The following GRK5 variants were observed in gnomAD, a reference collection of about 807,000 sequenced individuals.
GRK5 encodes g protein-coupled receptor kinase GRK5.
A neutral mutation model predicts 78.4 loss-of-function variants in GRK5; 40 were observed. That is an observed-to-expected ratio of 0.51 (90% CI 0.40 to 0.66). The LOEUF is 0.66. GRK5 is among the 30% of genes least tolerant of loss of function. The pLI is 0.00. For synonymous variants in GRK5, 289 were observed against 296.8 expected (o/e 0.97, Z 0.27); for missense variants, 598 against 759.9 (o/e 0.79, Z 2.50).
rs114071424 is a variant in GRK5, at chr10:119,268,140, C to T, written c.53-58376C>T. ...GGCCTCACCCACAGCTCCATGCACACGCCTAGATGCAGAAATTTTCTGTAT... is the reference window on the plus strand; with the variant it reads ...GGCCTCACCCACAGCTCCATGCACATGCCTAGATGCAGAAATTTTCTGTAT... On this transcript the variant is annotated intron_variant, in intron 1 of 15. Coordinates refer to ENST00000392870, the MANE Select transcript of GRK5 (RefSeq NM_005308.3). Among the ~76,000 whole-genome samples the T allele has an allele frequency of 1.2e-3, 189 of 152,316 alleles. 1 individual carries two copies. Among genetic ancestry groups the T allele is most frequent in the African/African-American group, 4.3e-3 (180 of 41,578 alleles).
chr10:119,354,786 AT>A (rs932745479), intron 2 of GRK5, among the ~76,000 whole-genome samples: 1 of 151,930 alleles, frequency 6.6e-6, no homozygotes, highest in South Asian at 2.1e-4. Context: ...CTTTATGAGG[AT>A]TTTTTTCAAC....
intron 2 of GRK5, among the ~76,000 whole-genome samples, chr10:119,329,313 G>A (rs911347594): frequency 1.3e-5 from 2 of 152,090 alleles, no homozygotes; most frequent in Admixed American, 1.3e-4. Flanking sequence ...TGTCCTTCCC[G>A]CTAAGGACAG....
rs1851963380 is a variant in GRK5, at chr10:119,394,273, GGC to G, written c.262-2420_262-2419del. On this transcript the variant is annotated intron_variant, in intron 3 of 15. Transcript: ENST00000392870. ...GTGTGGATGTATCTGTGTGTGTGTG[GGC>G]GTGTGTGTGGGTGTGTATCTGTGTG... 2.2e-3 allele frequency among the ~76,000 whole-genome samples: 8 copies of G among 3,682 alleles called. 1 individual carries two copies. The highest frequency in any genetic ancestry group is 0.011 in the South Asian group (1 of 94). 2.4% of individuals were successfully genotyped at this position (3,682 alleles called of 152,430 possible).
At chr10:119,260,662 C>T (rs1300794611) in intron 1 of GRK5, among the ~76,000 whole-genome samples, 1 of 151,780 alleles carries the variant, frequency 6.6e-6, no homozygotes, top group Non-Finnish European at 1.5e-5. Context: ...CTTGCACCGC[C>T]CTTAATCCAT....
chr10:119,370,976 G>T (rs1286362342), intron 2 of GRK5, among the ~76,000 whole-genome samples: 1 of 77,046 alleles, frequency 1.3e-5, no homozygotes, highest in African/African-American at 5.8e-5. Flanking sequence ...CCACCCCCCC[G>T]CCCCACTCCA....
intron 2 of GRK5, among the ~76,000 whole-genome samples, chr10:119,348,445 G>C (rs1242531600): frequency 6.6e-6 from 1 of 152,218 alleles, no homozygotes; most frequent in Non-Finnish European, 1.5e-5. Context: ...GAAGCTCCCT[G>C]CTCGGCCTAG....
chr10:119,282,424 C>T (rs1424380990), intron 1 of GRK5, among the ~76,000 whole-genome samples: 1 of 152,176 alleles, frequency 6.6e-6, no homozygotes, highest in Non-Finnish European at 1.5e-5. Context: ...CTTTCCTTGG[C>T]AGCCCGTCTC....
intron 2 of GRK5, among the ~76,000 whole-genome samples, chr10:119,329,376 G>A (rs1038233831): frequency 6.6e-6 from 1 of 152,186 alleles, no homozygotes; most frequent in Non-Finnish European, 1.5e-5. Flanking sequence ...TGAAAGCCGG[G>A]AGAGAAGAAG....
chr10:119,350,173 G>A (rs1851167846), intron 2 of GRK5, among the ~76,000 whole-genome samples: 1 of 152,212 alleles, frequency 6.6e-6, no homozygotes, highest in South Asian at 2.1e-4. Flanking sequence ...AGTGCCGGCT[G>A]CCATCTCTGA....
intron 1 of GRK5, among the ~76,000 whole-genome samples, chr10:119,279,636 G>A (rs187872630): frequency 1.1e-3 from 173 of 152,356 alleles, no homozygotes; most frequent in African/African-American, 3.7e-3. Context: ...AGTGAGTGGC[G>A]GTGGCCTGCA....
intron 1 of GRK5, among the ~76,000 whole-genome samples, chr10:119,215,308 G>T (rs1464303778): frequency 1.3e-5 from 2 of 152,096 alleles, no homozygotes; most frequent in African/African-American, 2.4e-5. Context: ...AAAGCTCATC[G>T]GGACAGAGCT....
chr10:119,443,570 T>A lies in GRK5; in HGVS notation c.1084T>A (p.Tyr362Asn), dbSNP rs1853080694. The A allele has an allele frequency of 6.2e-7, 1 of 1,611,264 alleles. No homozygotes were observed. The highest frequency in any genetic ancestry group is 8.5e-7 in the Non-Finnish European group (1 of 1,177,768). ...MAPEVLNNQR[Y>N]GLSPDYWGLG... Reference sequence around the variant, plus strand: ...TCCAGAGGTCCTGAACAACCAGAGGTACGGCCTGAGCCCCGACTACTGGGG... The same window carrying A: ...TCCAGAGGTCCTGAACAACCAGAGGAACGGCCTGAGCCCCGACTACTGGGG... Residue 362 changes from tyrosine (Y) to asparagine (N), a missense_variant, in exon 12 of 16, where the codon TAC becomes AAC. Transcript: ENST00000392870.
At chr10:119,335,189 TC>T (rs1850860177) in intron 2 of GRK5, among the ~76,000 whole-genome samples, 1 of 108,518 alleles carries the variant, frequency 9.2e-6, no homozygotes, top group Non-Finnish European at 1.8e-5. Flanking sequence ...CCTCTCCCTC[TC>T]CCCCCACCTC....
chr10:119,320,914 G>A (rs1018612654), intron 1 of GRK5, among the ~76,000 whole-genome samples: 1 of 152,270 alleles, frequency 6.6e-6, no homozygotes, highest in Non-Finnish European at 1.5e-5. Flanking sequence ...GGCAGCGGGG[G>A]CCGTAGGGCC....
At chr10:119,331,247 G>T (rs1850774122) in intron 2 of GRK5, among the ~76,000 whole-genome samples, 1 of 152,230 alleles carries the variant, frequency 6.6e-6, no homozygotes, top group Non-Finnish European at 1.5e-5. Context: ...GTGTGGAAAT[G>T]GATTCTTCTG....
intron 1 of GRK5, among the ~76,000 whole-genome samples, chr10:119,295,169 G>A (rs887630414): frequency 2.1e-5 from 3 of 144,432 alleles, no homozygotes; most frequent in Non-Finnish European, 4.5e-5. Context: ...CAGCCTGGGC[G>A]ACAGAGCGAG....
intron 2 of GRK5, among the ~76,000 whole-genome samples, chr10:119,328,743 A>C (rs1040942094): frequency 2.8e-4 from 42 of 152,178 alleles, no homozygotes; most frequent in African/African-American, 9.7e-4. Context: ...AAGGGGAGCA[A>C]TGTGAGAAGC....
chr10:119,261,523 G>A (rs7894003), intron 1 of GRK5, among the ~76,000 whole-genome samples: 88,023 of 149,486 alleles, frequency 0.59, 26,274 homozygotes, highest in East Asian at 0.76. Context: ...CTGCAATCTC[G>A]GCACTTTGGG....
intron 1 of GRK5, among the ~76,000 whole-genome samples, chr10:119,226,675 G>A (rs1295107722): frequency 6.6e-6 from 1 of 151,168 alleles, no homozygotes; most frequent in Non-Finnish European, 1.5e-5. Flanking sequence ...CACCTGAGTA[G>A]CTAGGATTAC....
Sources: gnomAD v4.1 joint callset for allele counts (sites outside exome capture counted in the v4.1 genomes callset) on GRCh38, gnomAD v4.1.1 for gene constraint, MANE v1.5 for transcripts, NCBI Gene and HGNC (gene_info 2026-07-23, HGNC 2026-07-21) for gene names.